The following SLC4A4 variants were observed in gnomAD, a reference collection of about 807,000 sequenced individuals.
SLC4A4 encodes the protein electrogenic sodium bicarbonate cotransporter 1.
In SLC4A4, 27 loss-of-function variants were observed where a neutral mutation model predicts 111.5. The observed-to-expected ratio is 0.24, with a 90% CI of 0.18 to 0.33. The LOEUF (loss-of-function observed/expected upper bound fraction) is 0.33, where lower values mean the gene tolerates loss of function less well. Among genes scored for constraint, SLC4A4 ranks in the 10% least tolerant of loss-of-function variants. The probability of loss-of-function intolerance (pLI) is 1.00; values close to 1 mark genes in which losing one functional copy is unlikely to be tolerated. For synonymous variants in SLC4A4, 443 were observed against 463.4 expected (o/e 0.96, Z 0.57); for missense variants, 909 against 1,315.5 (o/e 0.69, Z 4.78).
Position 71,401,902 on chromosome 4 carries a change from G to A in SLC4A4, c.807+4249G>A, listed in dbSNP as rs1000699036. Reference sequence around the variant, plus strand: ...GCAGATTCTCAGGGGGACACTTGAGGTCTACATAACCTTGTAACTGCTTAT... The same window carrying A: ...GCAGATTCTCAGGGGGACACTTGAGATCTACATAACCTTGTAACTGCTTAT... On this transcript the variant is annotated intron_variant, in intron 7 of 25. Coordinates refer to ENST00000264485, the MANE Select transcript of SLC4A4 (RefSeq NM_001098484.3). Among the ~76,000 whole-genome samples, 4 of 152,134 alleles carry A rather than the reference G, an allele frequency of 2.6e-5. 1 individual carries two copies. The South Asian group carries it at 8.3e-4, about 32-fold the overall frequency.
chr4:71,285,161 G>A (rs1257591924), intron 3 of SLC4A4, among the ~76,000 whole-genome samples: 1 of 152,156 alleles, frequency 6.6e-6, no homozygotes, highest in Admixed American at 6.5e-5. Flanking sequence ...ACTGCATCAA[G>A]GAATCAACAT....
chr4:71,520,567 A>G (rs1310819132), intron 16 of SLC4A4, among the ~76,000 whole-genome samples: 1 of 152,222 alleles, frequency 6.6e-6, no homozygotes, highest in Non-Finnish European at 1.5e-5. Flanking sequence ...TACCTCACCT[A>G]TAAAGGGAAA....
chr4:71,066,229 G>T (rs1387823390), intron 1 of SLC4A4, among the ~76,000 whole-genome samples: 1 of 152,140 alleles, frequency 6.6e-6, no homozygotes, highest in African/African-American at 2.4e-5. Flanking sequence ...TTTGAACCAG[G>T]ATCTCTCTGG....
At chr4:71,332,949 C>G (rs754173845) in intron 3 of SLC4A4, among the ~76,000 whole-genome samples, 1 of 152,128 alleles carries the variant, frequency 6.6e-6, no homozygotes, top group Non-Finnish European at 1.5e-5. Context: ...ATTGAGCTTC[C>G]GCAAAACAGC....
intron 4 of SLC4A4, among the ~76,000 whole-genome samples, chr4:71,342,104 A>T (rs1728943606): frequency 6.6e-6 from 1 of 152,170 alleles, no homozygotes; most frequent in Non-Finnish European, 1.5e-5. Context: ...AGCTTTCATA[A>T]CACATTTCCA....
chr4:71,178,592 C>T (rs1461490636), intron 2 of SLC4A4, among the ~76,000 whole-genome samples: 1 of 152,188 alleles, frequency 6.6e-6, no homozygotes, highest in Non-Finnish European at 1.5e-5. Flanking sequence ...CGCAAATAAA[C>T]TAGAAAATCT....
intron 6 of SLC4A4, among the ~76,000 whole-genome samples, chr4:71,391,020 A>T (rs185767211): frequency 3.0e-4 from 45 of 152,220 alleles, no homozygotes; most frequent in Admixed American, 2.5e-3. Flanking sequence ...GACATTTTCT[A>T]GTAGGTTTGT....
At chr4:71,154,181 A>G (rs1744398076) in intron 2 of SLC4A4, among the ~76,000 whole-genome samples, 1 of 152,172 alleles carries the variant, frequency 6.6e-6, no homozygotes. Flanking sequence ...TTGCCTCTAC[A>G]GACTTGATAA....
rs538261082 is a variant in SLC4A4 at position 71,167,547 on chromosome 4, C to T, written c.-1-69029C>T. Among the ~76,000 whole-genome samples, 5 of 152,192 alleles carry T rather than the reference C, an allele frequency of 3.3e-5. No individual in the cohort carries two copies. The East Asian group carries it at 7.7e-4, about 23-fold the overall frequency. ...CCTCTTTGGGAAATATAATCTGTGA[C>T]ATTGGCCAAAGAAAAAGTGAGTATA... is the stretch of plus-strand genomic sequence containing the variant. On this transcript the variant is annotated intron_variant, in intron 2 of 26. Transcript: ENST00000649996.
intron 6 of SLC4A4, among the ~76,000 whole-genome samples, chr4:71,371,073 C>T (rs1028830891): frequency 6.6e-6 from 1 of 152,090 alleles, no homozygotes; most frequent in Non-Finnish European, 1.5e-5. Context: ...TAGTGAATAA[C>T]TAAGGTGTGC....
At chr4:71,356,820 ATC>A (rs1255748546) in intron 5 of SLC4A4, among the ~76,000 whole-genome samples, 186 bp from the exon 6 acceptor site, 2 of 152,176 alleles carry the variant, frequency 1.3e-5, no homozygotes, top group African/African-American at 4.8e-5. Context: ...TAATATTTGT[ATC>A]TCTCTCATCA....
chr4:71,255,406 ACT>A lies in SLC4A4; in HGVS notation c.253+12_253+13del, dbSNP rs1384791481. ...AGCATCCTAAAACCTCTCAGTGAGT[ACT>A]CTCTGAGCGTTGGTGCCTCTCTCTG... On this transcript the variant is annotated splice_region_variant and intron_variant, in intron 3 of 25. Transcript: ENST00000264485. 5 of 1,612,920 alleles carry A rather than the reference ACT, an allele frequency of 3.1e-6. No individual in the cohort carries two copies. Among genetic ancestry groups the A allele is most frequent in the Non-Finnish European group, 4.2e-6 (5 of 1,179,294 alleles).
chr4:71,190,578 T>A (rs1042758827), intron 1 of SLC4A4, among the ~76,000 whole-genome samples: 1 of 152,156 alleles, frequency 6.6e-6, no homozygotes, highest in Non-Finnish European at 1.5e-5. Flanking sequence ...GAAAATACAA[T>A]GAGAGCCAGG....
At chr4:71,529,781 G>A (rs1027713593) in intron 16 of SLC4A4, among the ~76,000 whole-genome samples, 2 of 152,018 alleles carry the variant, frequency 1.3e-5, no homozygotes, top group Middle Eastern at 3.4e-3. Context: ...CTCTTCTTTC[G>A]AACAACTTAT....
chr4:71,192,922 A>G (rs940666282), intron 1 of SLC4A4, among the ~76,000 whole-genome samples: 3 of 152,146 alleles, frequency 2.0e-5, no homozygotes, highest in Non-Finnish European at 4.4e-5. Flanking sequence ...CCTCTCATTG[A>G]ACTTTCTGTC....
At chr4:71,493,633 G>A (rs1387021337) in intron 15 of SLC4A4, among the ~76,000 whole-genome samples, 1 of 151,238 alleles carries the variant, frequency 6.6e-6, no homozygotes, top group Non-Finnish European at 1.5e-5. Flanking sequence ...GTCCTGGGAC[G>A]TCTCTCTCTC....
chr4:71,339,035 A>T, intron 3 of SLC4A4: 1 of 1,449,490 alleles, frequency 6.9e-7, no homozygotes, highest in South Asian at 1.4e-5. Context: ...ATAATTTTGG[A>T]TGAGTCATAA....
chr4:71,070,304 G>A (rs532125706), intron 1 of SLC4A4, among the ~76,000 whole-genome samples: 1 of 152,272 alleles, frequency 6.6e-6, no homozygotes, highest in Admixed American at 6.5e-5. Flanking sequence ...TTCCAATGTT[G>A]ATCACTTTGG....
chr4:71,497,693 G>A lies in SLC4A4; in HGVS notation c.2166+1G>A, dbSNP rs1328156786. The A allele has an allele frequency of 6.2e-7, 1 of 1,606,670 alleles. No homozygotes were observed. Among genetic ancestry groups the A allele is most frequent in the African/African-American group, 1.3e-5 (1 of 74,668 alleles). On this transcript the variant is annotated splice_donor_variant, in intron 16 of 25. Coordinates refer to ENST00000264485, the MANE Select transcript of SLC4A4 (RefSeq NM_001098484.3). LOFTEE classifies it high-confidence loss of function. The stretch of plus-strand genomic sequence containing the variant: ...AACTAGTCCTTATTTTCCAACCACA[G>A]TAAGTACCTGAACTTTAAATGATTT...
Sources: gnomAD v4.1 joint callset for allele counts (sites outside exome capture counted in the v4.1 genomes callset) on GRCh38, gnomAD v4.1.1 for gene constraint, MANE v1.5 for transcripts, NCBI Gene and HGNC (gene_info 2026-07-23, HGNC 2026-07-21) for gene names.